SIAH3: variants seen among roughly 807,000 people sequenced by gnomAD.
SIAH3 encodes the protein siah E3 ubiquitin protein ligase family member 3, also known as seven in absentia homolog 3.
Under a neutral mutation model 12.6 loss-of-function variants are expected in SIAH3, and 9 were observed. The observed-to-expected ratio is 0.72, with a 90% CI of 0.43 to 1.25. The LOEUF (loss-of-function observed/expected upper bound fraction) is 1.25. Among genes scored for constraint, SIAH3 ranks in the 50% most tolerant of loss-of-function variants. The probability of loss-of-function intolerance (pLI) is 0.00; values close to 1 mark genes in which losing one functional copy is unlikely to be tolerated. For synonymous variants in SIAH3, 154 were observed against 151.1 expected, an observed-to-expected ratio of 1.02 and a Z score of -0.14; for missense variants, 390 against 365.4, an observed-to-expected ratio of 1.07 and a Z score of -0.55.
At chr13:45,832,114 G>GC (rs1228252485) in intron 1 of SIAH3, among the ~76,000 whole-genome samples, 14 of 152,186 alleles carry the variant, frequency 9.2e-5, no homozygotes. Flanking sequence ...GTGGGCAAGG[G>GC]CCCTGCCATG....
At chr13:45,804,963 AACACACACACACACACAC>A (rs56315825) in intron 1 of SIAH3, among the ~76,000 whole-genome samples, 8 of 135,836 alleles carry the variant, frequency 5.9e-5, no homozygotes, top group African/African-American at 1.1e-4. Flanking sequence ...TCCCATTTAT[AACACACACACACACACAC>A]ACACACACAC....
chr13:45,827,776 T>A (rs1950684091), intron 1 of SIAH3, among the ~76,000 whole-genome samples: 1 of 152,182 alleles, frequency 6.6e-6, no homozygotes, highest in South Asian at 2.1e-4. Flanking sequence ...CAAAGCAACA[T>A]TTCCCTTCCA....
intron 1 of SIAH3, among the ~76,000 whole-genome samples, chr13:45,833,491 A>G (rs201872644): frequency 2.9e-5 from 4 of 137,230 alleles, no homozygotes; most frequent in African/African-American, 5.7e-5. Flanking sequence ...ACACACACAC[A>G]CGCACACACA....
At chr13:45,837,281 AT>A (rs1950721063) in intron 1 of SIAH3, among the ~76,000 whole-genome samples, 2 of 152,160 alleles carry the variant, frequency 1.3e-5, no homozygotes, top group Non-Finnish European at 2.9e-5. Flanking sequence ...TCATAGAGTC[AT>A]TACTCATTTT....
chr13:45,798,603 T>A (rs963332369), intron 1 of SIAH3, among the ~76,000 whole-genome samples: 2 of 152,214 alleles, frequency 1.3e-5, no homozygotes, highest in African/African-American at 4.8e-5. Context: ...GGTATTTAGT[T>A]AAGTTGTCTT....
At chr13:45,818,589 G>T (rs989956085) in intron 1 of SIAH3, among the ~76,000 whole-genome samples, 4 of 152,234 alleles carry the variant, frequency 2.6e-5, no homozygotes, top group African/African-American at 7.2e-5. Flanking sequence ...TCTGGTGGCA[G>T]CTGGCATTCC....
At chr13:45,804,377 G>A (rs781351393) in intron 1 of SIAH3, among the ~76,000 whole-genome samples, 12 of 152,192 alleles carry the variant, frequency 7.9e-5, no homozygotes, top group Non-Finnish European at 1.2e-4. Flanking sequence ...ATAGGCAAAT[G>A]CACAGATACA....
intron 1 of SIAH3, among the ~76,000 whole-genome samples, chr13:45,827,782 T>G (rs372759422): frequency 6.6e-6 from 1 of 152,216 alleles, no homozygotes; most frequent in Non-Finnish European, 1.5e-5. Flanking sequence ...AACATTTCCC[T>G]TCCAGGCCCC....
chr13:45,789,362 AT>A (rs1950538158), intron 1 of SIAH3, among the ~76,000 whole-genome samples: 1 of 4,724 alleles, frequency 2.1e-4, no homozygotes, highest in Non-Finnish European at 6.9e-4. Context: ...TCTATCATCT[AT>A]CTATCTATCT....
In SIAH3 at chr13:45,851,552, C is replaced by T; in HGVS notation, c.78G>A (p.Arg26=). 1 of 1,614,166 alleles carries T rather than the reference C, an allele frequency of 6.2e-7. No individual in the cohort carries two copies. The highest frequency in any genetic ancestry group is 1.1e-5 in the South Asian group (1 of 91,080). The part of the protein sequence containing the change: ...HLRFQHYKAK[R]VFSAAGQLVC... Reference sequence around the variant, plus strand: ...CAAGTTGCCCGGCAGCGGAGAAAACCCGTTTAGCCTTGTAGTGCTGAAACC... The same window carrying T: ...CAAGTTGCCCGGCAGCGGAGAAAACTCGTTTAGCCTTGTAGTGCTGAAACC... The change falls in exon 1 of 2, where the codon CGG becomes CGA. Residue 26 remains arginine, a synonymous_variant. Coordinates refer to ENST00000400405, the MANE Select transcript of SIAH3 (RefSeq NM_198849.3).
At chr13:45,802,797 C>T (rs950623553) in intron 1 of SIAH3, among the ~76,000 whole-genome samples, 8 of 152,172 alleles carry the variant, frequency 5.3e-5, no homozygotes, top group African/African-American at 1.2e-4. Flanking sequence ...GCAGGCCAGG[C>T]GTGGTGGCTC....
At chr13:45,788,755 C>T (rs182833565) in intron 1 of SIAH3, among the ~76,000 whole-genome samples, 142 of 152,318 alleles carry the variant, frequency 9.3e-4, no homozygotes, top group African/African-American at 3.2e-3. Flanking sequence ...GATTGCTTTT[C>T]CTTTCCACTT....
rs1382881565 is a variant in SIAH3 at position 45,778,808 on chromosome 13, C to T, written c.*4575G>A. On this transcript the variant is annotated 3_prime_UTR_variant, in exon 2 of 2. Transcript: ENST00000400405. The stretch of plus-strand genomic sequence containing the variant: ...ATAAAAACTATTGACATAGCATTTA[C>T]ATTGTATTAGGTATTATAAGTACTC... 1 of 152,006 alleles carries T rather than the reference C, an allele frequency of 6.6e-6. No individual in the cohort carries two copies. Among genetic ancestry groups the T allele is most frequent in the South Asian group, 2.1e-4 (1 of 4,818 alleles). The allele number at this position is 152,006 out of a possible 1,614,324, so 9.4% of individuals were successfully genotyped here.
chr13:45,818,536 C>T (rs955868516), intron 1 of SIAH3, among the ~76,000 whole-genome samples: 2 of 152,242 alleles, frequency 1.3e-5, no homozygotes, highest in African/African-American at 4.8e-5. Flanking sequence ...CAGAACTGCG[C>T]TCCCTCCGGA....
intron 1 of SIAH3, among the ~76,000 whole-genome samples, chr13:45,825,474 C>A (rs1950671126): frequency 6.6e-6 from 1 of 152,240 alleles, no homozygotes; most frequent in South Asian, 2.1e-4. Context: ...GCCAGGAGCG[C>A]AGCCCCCAGC....
chr13:45,843,503 A>T (rs542871077), intron 1 of SIAH3, among the ~76,000 whole-genome samples: 29 of 152,272 alleles, frequency 1.9e-4, no homozygotes, highest in African/African-American at 7.0e-4. Flanking sequence ...ATTTATCTGC[A>T]TGGCTCCTGG....
intron 1 of SIAH3, among the ~76,000 whole-genome samples, chr13:45,800,396 T>C (rs771427164): frequency 7.9e-5 from 12 of 152,228 alleles, no homozygotes; most frequent in Non-Finnish European, 1.6e-4. Context: ...ATGCATCCAA[T>C]TATTTATTTG....
chr13:45,819,763 G>A (rs906860270), intron 1 of SIAH3, among the ~76,000 whole-genome samples: 1 of 152,158 alleles, frequency 6.6e-6, no homozygotes, highest in African/African-American at 2.4e-5. Context: ...TCACTTCGGG[G>A]ACCTAGTCTC....
Position 45,783,968 on chromosome 13 carries a change from G to A in SIAH3, c.225C>T (p.His75=), listed in dbSNP as rs766432106. 11 of 1,604,102 alleles carry A rather than the reference G, an allele frequency of 6.9e-6. No individual in the cohort carries two copies. The highest frequency in any genetic ancestry group is 7.7e-6 in the Non-Finnish European group (9 of 1,175,954). The change falls in exon 2 of 2, where the codon CAC becomes CAT. Residue 75 remains histidine (H), a synonymous_variant. Transcript: ENST00000400405. ...PHHLSHHHCH[H]RHHHHLRHHA... Reference sequence around the variant, plus strand: ...GGTGGCGGAGGTGGTGGTGGTGGCGGTGGTGGCAGTGGTGGTGGGAGAGAT... The same window carrying A: ...GGTGGCGGAGGTGGTGGTGGTGGCGATGGTGGCAGTGGTGGTGGGAGAGAT...
Sources: gnomAD v4.1 joint callset for allele counts (sites outside exome capture counted in the v4.1 genomes callset) on GRCh38, gnomAD v4.1.1 for gene constraint, MANE v1.5 for transcripts, NCBI Gene and HGNC (gene_info 2026-07-23, HGNC 2026-07-21) for gene names.